Variants in CPZ observed in about 807,000 individuals in gnomAD.
CPZ encodes the protein VEZT/CPZ fusion.
In CPZ, 103 loss-of-function variants were observed where a neutral mutation model predicts 61.8. The ratio of observed to expected loss-of-function variants is 1.67; its 90% confidence interval spans 1.42 to 1.96. CPZ has a LOEUF of 1.96. CPZ is among the 30% of genes most tolerant of loss of function. The probability of loss-of-function intolerance (pLI) is 0.00; values close to 1 mark genes in which losing one functional copy is unlikely to be tolerated. For synonymous variants in CPZ, 551 were observed against 373.7 expected, an observed-to-expected ratio of 1.47 and a Z score of -5.47; for missense variants, 1,461 against 914.9, an observed-to-expected ratio of 1.60 and a Z score of -7.70.
rs1713874713 is a variant in CPZ, at chr4:8,592,786, C to G, written c.-48C>G. 2.3e-6 allele frequency: 3 copies of G among 1,308,914 alleles called. No individual in the cohort carries two copies. The highest frequency in any genetic ancestry group is 3.0e-6 in the Non-Finnish European group (3 of 1,015,066). 81.1% of individuals were successfully genotyped at this position (1,308,914 alleles called of 1,614,324 possible). A position where few individuals can be genotyped will look rare whatever the true frequency, so the allele number is the denominator to read the frequency against. ...GCGCAGAGCCCCGGCCCCGCGCGGC[C>G]CGAGTGCCACATCACTGCGCTGGCC... On this transcript the variant is annotated 5_prime_UTR_variant, in exon 1 of 11. Coordinates refer to ENST00000360986, the MANE Select transcript of CPZ (RefSeq NM_001014447.3).
rs140703146 is a variant in CPZ at position 8,619,452 on chromosome 4, T to C, written c.1794T>C (p.Thr598=). The C allele has an allele frequency of 6.2e-7, 1 of 1,612,932 alleles. No homozygotes were observed. The highest frequency in any genetic ancestry group is 8.5e-7 in the Non-Finnish European group (1 of 1,179,276). Reference sequence around the variant, plus strand: ...ACTTTATTCATGGGCTGCGGAGGACTGGGCCCCACGACCCACTGGGAGGTG... The same window carrying C: ...ACTTTATTCATGGGCTGCGGAGGACCGGGCCCCACGACCCACTGGGAGGTG... The part of the protein sequence containing the change: ...PKNFIHGLRR[T]GPHDPLGGAS... The change falls in exon 11 of 11, where the codon ACT becomes ACC. Residue 598 remains threonine, a synonymous_variant. Transcript: ENST00000360986.
Position 8,592,910 on chromosome 4 carries a change from G to A in CPZ, c.77G>A (p.Arg26Gln), listed in dbSNP as rs760632747. ...GCCCGGCCGGGGTGCGAGTTTGAGCGGAACCCCGCCGGTAAGGCCGTCCCC... is the reference window on the plus strand; with the variant it reads ...GCCCGGCCGGGGTGCGAGTTTGAGCAGAACCCCGCCGGTAAGGCCGTCCCC... Reference protein sequence around the residue: ...AAARPGCEFERNPAGECHRPP... With the variant: ...AAARPGCEFEQNPAGECHRPP... Residue 26 changes from arginine to glutamine, a missense_variant, in exon 1 of 11, where the codon CGG (arginine) becomes CAG (glutamine). Transcript: ENST00000360986. 24 of 1,534,036 alleles carry A rather than the reference G, an allele frequency of 1.6e-5. No homozygotes were observed. Among genetic ancestry groups the A allele is most frequent in the Non-Finnish European group, 1.8e-5 (21 of 1,143,780 alleles).
chr4:8,600,459 ACAGT>A (rs151232116), intron 2 of CPZ, among the ~76,000 whole-genome samples: 4,468 of 152,342 alleles, frequency 0.029, 69 homozygotes, highest in African/African-American at 0.044. Context: ...CTGCGGGGAC[ACAGT>A]CAGCTCCCGA....
At chr4:8,619,239 AT>A (rs1716472459) in intron 10 of CPZ, 22 bp from the exon 11 acceptor site, 1 of 1,580,192 alleles carries the variant, frequency 6.3e-7, no homozygotes, top group Non-Finnish European at 8.6e-7. Context: ...CGTGAGAATC[AT>A]TTTTAATCTA....
At position 8,619,517 on chromosome 4, in the gene CPZ, G is replaced by A. The variant is rs778063151; in HGVS notation, c.1859G>A (p.Arg620Gln). The part of the protein sequence containing the change: ...LGEATEPDPL[R>Q]ARRQPSADGS... ...GAGGCCACGGAGCCCGACCCGCTCC[G>A]GGCGCGCAGGCAGCCCTCGGCCGAC... The change falls in exon 11 of 11, where the codon CGG becomes CAG. Residue 620 changes from arginine to glutamine, a missense_variant. By Grantham distance (43) the Arg-to-Gln change is conservative (BLOSUM62 1). Transcript: ENST00000360986. 42 of 1,595,212 alleles carry A rather than the reference G, an allele frequency of 2.6e-5. No homozygotes were observed. Among genetic ancestry groups the A allele is most frequent in the Middle Eastern group, 3.4e-4 (2 of 5,942 alleles).
Position 8,618,511 on chromosome 4 carries a change from G to T in CPZ, c.1586G>T (p.Arg529Leu). ...GCCCGGATCTCAGTCAAAGGCATTC[G>T]CCACGACATCACCACAGGTGAGCAC... ...KNARISVKGI[R>L]HDITTAPDGD... is the part of the protein sequence containing the mutation. Residue 529 changes from arginine (R) to leucine (L), a missense_variant, in exon 10 of 11, where the codon CGC becomes CTC. Arg to Leu is a moderately radical substitution (Grantham distance 102). Coordinates refer to ENST00000360986, the MANE Select transcript of CPZ (RefSeq NM_001014447.3). 1.9e-6 allele frequency: 3 copies of T among 1,613,880 alleles called. No homozygotes were observed. The highest frequency in any genetic ancestry group is 2.5e-6 in the Non-Finnish European group (3 of 1,180,014).
At chr4:8,609,792 G>T (rs780687740) in intron 7 of CPZ, among the ~76,000 whole-genome samples, 3 of 152,228 alleles carry the variant, frequency 2.0e-5, no homozygotes, top group Admixed American at 2.0e-4. Context: ...ATCAATCATC[G>T]GGCAGTGATC....
At chr4:8,596,212 C>A (rs533812272) in intron 1 of CPZ, among the ~76,000 whole-genome samples, 2 of 152,118 alleles carry the variant, frequency 1.3e-5, no homozygotes, top group African/African-American at 4.8e-5. Flanking sequence ...CCACCATGCC[C>A]GGCTAATTTT....
chr4:8,608,128 C>CCCAGCCTCCAGCCT (rs3842006), intron 7 of CPZ, among the ~76,000 whole-genome samples: 9 of 117,652 alleles, frequency 7.6e-5, no homozygotes, highest in African/African-American at 2.8e-4. Context: ...TGAGGTGGGC[C>CCCAGCCTCCAGCCT]CCAGCCTCCA....
rs185645651 is a variant in CPZ, at chr4:8,607,416, C to T, written c.1218C>T (p.Pro406=). The part of the protein sequence containing the change: ...PQEEKMFSPT[P]DEKMFKLLSR... ...AGGAGAAGATGTTTTCTCCCACGCC[C>T]GACGAGAAGGTGAGAGGGCTGTCGG... The change falls in exon 7 of 11, where the codon CCC becomes CCT. Residue 406 remains proline, a synonymous_variant. Coordinates refer to ENST00000360986, the MANE Select transcript of CPZ (RefSeq NM_001014447.3). 1.2e-5 allele frequency: 20 copies of T among 1,613,918 alleles called. No individual in the cohort carries two copies. Among genetic ancestry groups the T allele is most frequent in the Non-Finnish European group, 1.5e-5 (18 of 1,179,900 alleles).
chr4:8,615,369 A>G (rs1182445422), intron 9 of CPZ, among the ~76,000 whole-genome samples: 1 of 152,216 alleles, frequency 6.6e-6, no homozygotes, highest in African/African-American at 2.4e-5. Flanking sequence ...AGAAGGGTCC[A>G]GGATGTCACA....
chr4:8,609,078 A>ACG (rs1715324595), intron 7 of CPZ, among the ~76,000 whole-genome samples: 8 of 17,834 alleles, frequency 4.5e-4, no homozygotes, highest in Admixed American at 1.2e-3. Context: ...CTCACCACTC[A>ACG]TACATTCACC....
chr4:8,595,963 C>T (rs1366153088), intron 1 of CPZ, among the ~76,000 whole-genome samples: 3 of 152,104 alleles, frequency 2.0e-5, no homozygotes, highest in Non-Finnish European at 4.4e-5. Flanking sequence ...CCGGGAGGGG[C>T]GGGAGAGTTC....
intron 8 of CPZ, 100 bp from the exon 9 acceptor site, chr4:8,614,259 C>G: frequency 5.4e-6 from 8 of 1,480,636 alleles, no homozygotes; most frequent in Non-Finnish European, 7.3e-6. Flanking sequence ...CGGCTGACAC[C>G]CCGGCGTCCC....
Position 8,607,376 on chromosome 4 carries a change from C to G in CPZ, c.1178C>G (p.Ser393Cys). The G allele has an allele frequency of 6.2e-7, 1 of 1,614,098 alleles. No individual in the cohort carries two copies. Residue 393 changes from serine to cysteine, a missense_variant, in exon 7 of 11, where the codon TCC becomes TGC. Coordinates refer to ENST00000360986, the MANE Select transcript of CPZ (RefSeq NM_001014447.3). ...GTGGTGTCCTACCCCTTCGACTTCT[C>G]CAAGCACCCCCAGGAGGAGAAGATG... ...DLVVSYPFDF[S>C]KHPQEEKMFS...
At chr4:8,612,313 T>G in intron 8 of CPZ, 151 bp downstream of exon 8, 1 of 686,200 alleles carries the variant, frequency 1.5e-6, no homozygotes, top group Non-Finnish European at 2.3e-6. Flanking sequence ...GAGAGGAGGC[T>G]GGCGTGAGTT....
At chr4:8,603,758 T>C (rs1714744819) in intron 3 of CPZ, 2 of 587,722 alleles carry the variant, frequency 3.4e-6, no homozygotes, top group East Asian at 2.8e-5. Flanking sequence ...ACAGTCACGT[T>C]AGGAACCATG....
At chr4:8,616,601 G>A (rs1716188654) in intron 9 of CPZ, among the ~76,000 whole-genome samples, 1 of 152,156 alleles carries the variant, frequency 6.6e-6, no homozygotes. Context: ...TTTGAAGGGA[G>A]GGAAGGAATC....
At chr4:8,607,218 G>A in intron 6 of CPZ, 49 bp from the exon 7 acceptor site, 3 of 1,593,470 alleles carry the variant, frequency 1.9e-6, no homozygotes, top group Non-Finnish European at 2.6e-6. Context: ...ATGGCTGCGG[G>A]CCAGTGGGAA....
Sources: gnomAD v4.1 joint callset for allele counts (sites outside exome capture counted in the v4.1 genomes callset) on GRCh38, gnomAD v4.1.1 for gene constraint, MANE v1.5 for transcripts, NCBI Gene and HGNC (gene_info 2026-07-23, HGNC 2026-07-21) for gene names.